Variants in NFILZ observed in about 807,000 individuals in gnomAD.
NFILZ encodes NFIL3 like basic leucine zipper.
intron 2 of NFILZ, among the ~76,000 whole-genome samples, chr19:8,634,950 A>G (rs751495877): frequency 2.4e-4 from 37 of 152,126 alleles, no homozygotes; most frequent in Non-Finnish European, 4.6e-4. Context: ...AAACCCATAC[A>G]TATTAGTATA....
rs2043000792 is a variant in NFILZ, at chr19:8,656,443, C to CCGCAGCCCACCT, written c.-163-18108_-163-18107insCGCAGCCCACCT. 1.2e-3 allele frequency among the ~76,000 whole-genome samples: 116 copies of CCGCAGCCCACCT among 93,722 alleles called. 2 individuals are homozygous for CCGCAGCCCACCT. The highest frequency in any genetic ancestry group is 5.1e-3 in the African/African-American group (112 of 21,980). The allele number at this position is 93,722 out of a possible 152,430, so 61.5% of individuals were successfully genotyped here. A position where few individuals can be genotyped will look rare whatever the true frequency, so the allele number is the denominator to read the frequency against. ...ACCTCTTTCCGCAGCCCACCTTCTC[C>CCGCAGCCCACCT]TCGAAGCCCACCTTCTCTCTGAAGC... On this transcript the variant is annotated intron_variant, in intron 3 of 5. Coordinates refer to ENST00000691075, the MANE Select transcript of NFILZ (RefSeq NM_001378600.1).
chr19:8,670,094 C>G (rs770085098), intron 3 of NFILZ, among the ~76,000 whole-genome samples: 1 of 150,844 alleles, frequency 6.6e-6, no homozygotes, highest in Non-Finnish European at 1.5e-5. Context: ...CTCACCTAAT[C>G]TGACAGGTGA....
intron 3 of NFILZ, among the ~76,000 whole-genome samples, chr19:8,672,064 C>T (rs1555750314): frequency 6.6e-6 from 1 of 152,196 alleles, no homozygotes; most frequent in African/African-American, 2.4e-5. Context: ...TTCATTTACC[C>T]ACGCTTCACT....
chr19:8,647,791 GCGCGCACACA>G (rs1390753297), intron 3 of NFILZ, among the ~76,000 whole-genome samples: 187 of 70,004 alleles, frequency 2.7e-3, no homozygotes, highest in East Asian at 9.6e-3. Context: ...GCGCGCGCGC[GCGCGCACACA>G]CACACACACA....
chr19:8,664,943 G>A (rs913033836), intron 3 of NFILZ, among the ~76,000 whole-genome samples: 1 of 151,974 alleles, frequency 6.6e-6, no homozygotes, highest in Non-Finnish European at 1.5e-5. Context: ...TAGTGAGCTG[G>A]AATTCTTACA....
chr19:8,652,507 C>T (rs1035687677), intron 3 of NFILZ, among the ~76,000 whole-genome samples: 3 of 152,134 alleles, frequency 2.0e-5, no homozygotes, highest in African/African-American at 2.4e-5. Context: ...GTGCCGAATT[C>T]GAATGATATC....
At chr19:8,634,221 C>A (rs2042884468) in intron 2 of NFILZ, among the ~76,000 whole-genome samples, 1 of 152,066 alleles carries the variant, frequency 6.6e-6, no homozygotes, top group Non-Finnish European at 1.5e-5. Context: ...TGGTCTTGAA[C>A]CCCTGGCTTC....
intron 3 of NFILZ, among the ~76,000 whole-genome samples, chr19:8,641,245 T>A (rs1414273068): frequency 6.6e-6 from 1 of 150,728 alleles, no homozygotes; most frequent in Non-Finnish European, 1.5e-5. Context: ...AGAGATGGGG[T>A]CTCCTTATGT....
intron 3 of NFILZ, among the ~76,000 whole-genome samples, chr19:8,661,733 A>G (rs927565389): frequency 2.6e-4 from 39 of 152,250 alleles, no homozygotes; most frequent in African/African-American, 9.4e-4. Flanking sequence ...TTCTACTAAA[A>G]ATACAAAAAT....
At chr19:8,662,118 T>C (rs2043034266) in intron 3 of NFILZ, among the ~76,000 whole-genome samples, 1 of 151,128 alleles carries the variant, frequency 6.6e-6, no homozygotes, top group Non-Finnish European at 1.5e-5. Context: ...GACAGGAGGA[T>C]TGCTTGAACA....
chr19:8,663,760 G>GTGTGTGTGTGTATGTGTGTA (rs2043048204), intron 3 of NFILZ, among the ~76,000 whole-genome samples: 1 of 136,254 alleles, frequency 7.3e-6, no homozygotes, highest in African/African-American at 2.7e-5. Flanking sequence ...GTGTGTGTGT[G>GTGTGTGTGTGTATGTGTGTA]TGTGTGTGTG....
intron 3 of NFILZ, among the ~76,000 whole-genome samples, chr19:8,647,784 C>CACACACAT (rs880003000): frequency 1.1e-5 from 1 of 87,978 alleles, no homozygotes; most frequent in Admixed American, 1.1e-4. Context: ...CACATGCGCG[C>CACACACAT]GCGCGCGCGC....
At chr19:8,635,359 T>C (rs2042890086) in intron 2 of NFILZ, among the ~76,000 whole-genome samples, 1 of 150,744 alleles carries the variant, frequency 6.6e-6, no homozygotes, top group Non-Finnish European at 1.5e-5. Flanking sequence ...AATACCTTTT[T>C]CCCTCCCAAT....
chr19:8,666,145 A>C (rs1266968014), intron 3 of NFILZ, among the ~76,000 whole-genome samples: 1 of 152,016 alleles, frequency 6.6e-6, no homozygotes, highest in Non-Finnish European at 1.5e-5. Context: ...TTGGGCTCAA[A>C]AAAGAGGGTT....
At chr19:8,647,808 CACACA>C (rs2042948028) in intron 3 of NFILZ, among the ~76,000 whole-genome samples, 1 of 142,908 alleles carries the variant, frequency 7.0e-6, no homozygotes, top group Non-Finnish European at 1.5e-5. Context: ...CACACACACA[CACACA>C]CACACACACA....
chr19:8,655,862 C>G (rs1055093714), intron 3 of NFILZ, among the ~76,000 whole-genome samples: 8 of 151,892 alleles, frequency 5.3e-5, no homozygotes, highest in Non-Finnish European at 8.8e-5. Flanking sequence ...TGTGTCTCCC[C>G]ATGTCTCTCT....
At chr19:8,659,301 C>G (rs1170175823) in intron 3 of NFILZ, among the ~76,000 whole-genome samples, 1 of 151,940 alleles carries the variant, frequency 6.6e-6, no homozygotes, top group Non-Finnish European at 1.5e-5. Context: ...AATAATTACA[C>G]AGATACCTGT....
At chr19:8,661,232 A>G (rs2146161514) in intron 3 of NFILZ, among the ~76,000 whole-genome samples, 1 of 147,164 alleles carries the variant, frequency 6.8e-6, no homozygotes, top group African/African-American at 2.5e-5. Context: ...ATGCAATCAT[A>G]GCTCACTGCA....
intron 3 of NFILZ, among the ~76,000 whole-genome samples, chr19:8,672,948 A>T (rs919062698): frequency 1.6e-4 from 25 of 152,120 alleles, no homozygotes; most frequent in African/African-American, 5.8e-4. Flanking sequence ...CTCTGGGCTC[A>T]TGGTGGGTTT....
Sources: gnomAD v4.1 joint callset for allele counts (sites outside exome capture counted in the v4.1 genomes callset) on GRCh38, gnomAD v4.1.1 for gene constraint, MANE v1.5 for transcripts, NCBI Gene and HGNC (gene_info 2026-07-23, HGNC 2026-07-21) for gene names.